SLC9B2: variants seen among roughly 807,000 people sequenced by gnomAD.
SLC9B2 encodes the protein solute carrier family 9 member B2, also known as sodium/hydrogen exchanger 9B2.
SLC9B2 carries 39 observed loss-of-function variants against 52.2 expected under a neutral mutation model. The observed-to-expected ratio is 0.75, with a 90% CI of 0.58 to 0.98. The LOEUF is 0.98. Ranked by LOEUF, SLC9B2 falls within the 50% of genes least tolerant of loss-of-function variation. SLC9B2 has a pLI of 0.00. For synonymous variants in SLC9B2, 214 were observed against 227.0 expected (o/e 0.94, Z 0.51); for missense variants, 626 against 637.5 (o/e 0.98, Z 0.19).
intron 6 of SLC9B2, 187 bp downstream of exon 6, chr4:103,048,706 G>GT (rs1744391775): frequency 1.5e-6 from 1 of 663,860 alleles, no homozygotes; most frequent in Non-Finnish European, 2.4e-6. Flanking sequence ...GGTGCTAACT[G>GT]TAAGAGTTAG....
intron 1 of SLC9B2, among the ~76,000 whole-genome samples, chr4:103,068,844 TA>T (rs1746375044): frequency 1.3e-5 from 2 of 152,098 alleles, no homozygotes; most frequent in African/African-American, 4.8e-5. Flanking sequence ...ATGCTAGACA[TA>T]AAGACAAGGA....
chr4:103,034,577 A>G (rs912848404), intron 9 of SLC9B2, among the ~76,000 whole-genome samples: 1 of 152,226 alleles, frequency 6.6e-6, no homozygotes, highest in Non-Finnish European at 1.5e-5. Flanking sequence ...AATGTCCAGA[A>G]TCTTTAAGAA....
intron 9 of SLC9B2, among the ~76,000 whole-genome samples, chr4:103,036,485 C>T (rs1005881031): frequency 2.0e-5 from 3 of 151,828 alleles, no homozygotes; most frequent in Admixed American, 2.0e-4. Context: ...ATGTAACAAA[C>T]CTGCACATGT....
intron 4 of SLC9B2, among the ~76,000 whole-genome samples, chr4:103,052,128 G>A (rs374369379): frequency 4.6e-5 from 7 of 152,364 alleles, no homozygotes; most frequent in African/African-American, 1.7e-4. Flanking sequence ...AGGGACCGGT[G>A]TCGTGGAAGA....
At position 103,025,327 on chromosome 4, in the gene SLC9B2, G is replaced by C. The variant is rs563395962; in HGVS notation, c.*1043C>G. 6.6e-6 allele frequency among the ~76,000 whole-genome samples: 1 copy of C among 152,070 alleles called. No individual in the cohort carries two copies. Among genetic ancestry groups the C allele is most frequent in the African/African-American group, 2.4e-5 (1 of 41,410 alleles). ...TTATATCCCACTGCTCAAGGTCATTGCCAAGGTCTGATTTTTCACAAAAAA... is the reference window on the plus strand; with the variant it reads ...TTATATCCCACTGCTCAAGGTCATTCCCAAGGTCTGATTTTTCACAAAAAA... On this transcript the variant is annotated 3_prime_UTR_variant, in exon 12 of 12. Coordinates refer to ENST00000394785, the MANE Select transcript of SLC9B2 (RefSeq NM_178833.7).
chr4:103,019,537 G>A (rs189327253), downstream of SLC9B2: 72 of 975,612 alleles, frequency 7.4e-5, no homozygotes, highest in Non-Finnish European at 8.6e-5. Flanking sequence ...AAACGATCGC[G>A]GCAGACCCGG....
At position 103,024,423 on chromosome 4, in the gene SLC9B2, C is replaced by A. The variant is rs1429656994; in HGVS notation, c.*1947G>T. ...GAGCATAAACATTAAAGGAATACAGCACCATAGGGTAACCAAAGCAAAGTT... is the reference window on the plus strand; with the variant it reads ...GAGCATAAACATTAAAGGAATACAGAACCATAGGGTAACCAAAGCAAAGTT... On this transcript the variant is annotated 3_prime_UTR_variant, in exon 12 of 12. Transcript: ENST00000394785. Among the ~76,000 whole-genome samples, 1 of 152,148 alleles carries A rather than the reference C, an allele frequency of 6.6e-6. No homozygotes were observed. The highest frequency in any genetic ancestry group is 1.5e-5 in the Non-Finnish European group (1 of 68,034).
intron 9 of SLC9B2, among the ~76,000 whole-genome samples, chr4:103,035,317 T>C (rs1244691763): frequency 1.3e-5 from 2 of 152,214 alleles, no homozygotes; most frequent in East Asian, 1.9e-4. Context: ...CATGATCTTC[T>C]TTTTTATGGC....
intron 5 of SLC9B2, among the ~76,000 whole-genome samples, chr4:103,049,390 C>A (rs1022101632): frequency 8.5e-5 from 13 of 152,092 alleles, no homozygotes; most frequent in African/African-American, 3.1e-4. Flanking sequence ...TTAACATTCT[C>A]ATTAGTTTTA....
intron 9 of SLC9B2, 146 bp from the exon 10 acceptor site, chr4:103,031,954 G>C: frequency 1.5e-6 from 1 of 673,530 alleles, no homozygotes; most frequent in Non-Finnish European, 2.5e-6. Flanking sequence ...CTAGAACAGA[G>C]CAAAAAAACT....
intron 3 of SLC9B2, among the ~76,000 whole-genome samples, chr4:103,065,183 C>T (rs1746010999): frequency 7.4e-6 from 1 of 135,738 alleles, no homozygotes; most frequent in Non-Finnish European, 1.6e-5. Context: ...CACACACGCA[C>T]ACACACACAC....
chr4:103,060,026 T>C (rs1372096699), intron 3 of SLC9B2, among the ~76,000 whole-genome samples: 1 of 152,132 alleles, frequency 6.6e-6, no homozygotes, highest in Non-Finnish European at 1.5e-5. Flanking sequence ...AAGGAATTCT[T>C]TTTCCTTGTT....
chr4:103,050,133 T>C (rs1744535388), intron 5 of SLC9B2, 107 bp downstream of exon 5: 1 of 975,944 alleles, frequency 1.0e-6, no homozygotes, highest in Admixed American at 3.5e-5. Context: ...AAGAATGTCA[T>C]GCAAAGTGTC....
chr4:103,047,346 T>C (rs1192508892), intron 6 of SLC9B2, 120 bp from the exon 7 acceptor site: 2 of 918,062 alleles, frequency 2.2e-6, no homozygotes, highest in Non-Finnish European at 3.1e-6. Context: ...CTTTTTTTTT[T>C]TCTAAATTAA....
At chr4:103,047,297 C>T in intron 6 of SLC9B2, 71 bp from the exon 7 acceptor site, 2 of 1,360,758 alleles carry the variant, frequency 1.5e-6, no homozygotes, top group South Asian at 3.3e-5. Flanking sequence ...ATAATGCCCT[C>T]CACTTTTTAG....
rs1720849504 is a variant in SLC9B2 at position 103,076,326 on chromosome 4, G to C, written c.-185C>G. 1 of 152,362 alleles carries C rather than the reference G, an allele frequency of 6.6e-6. No individual in the cohort carries two copies. Among genetic ancestry groups the C allele is most frequent in the Non-Finnish European group, 1.5e-5 (1 of 68,120 alleles). The allele number at this position is 152,362 out of a possible 1,614,324, so 9.4% of individuals were successfully genotyped here. On this transcript the variant is annotated 5_prime_UTR_variant, in exon 1 of 12. Coordinates refer to ENST00000394785, the MANE Select transcript of SLC9B2 (RefSeq NM_178833.7). ...TTCCCAGGCTGAGCCGGGAGGCTGC[G>C]TTGACTGCAGATAAACGGTCTCAGG... is the stretch of plus-strand genomic sequence containing the variant.
chr4:103,035,291 A>T (rs1351585586), intron 9 of SLC9B2, among the ~76,000 whole-genome samples: 6 of 152,122 alleles, frequency 3.9e-5, no homozygotes, highest in Non-Finnish European at 8.8e-5. Flanking sequence ...CACTCCATCT[A>T]TGTCCCTGAA....
intron 4 of SLC9B2, among the ~76,000 whole-genome samples, chr4:103,055,104 T>C (rs1745011595): frequency 6.6e-6 from 1 of 152,116 alleles, no homozygotes; most frequent in Non-Finnish European, 1.5e-5. Flanking sequence ...TGGATGAAGC[T>C]GGAAACCATC....
At chr4:103,050,912 G>T (rs1184792181) in intron 4 of SLC9B2, among the ~76,000 whole-genome samples, 1 of 152,180 alleles carries the variant, frequency 6.6e-6, no homozygotes, top group Non-Finnish European at 1.5e-5. Flanking sequence ...CTTTCACTCA[G>T]TCATTCAACT....
Sources: gnomAD v4.1 joint callset for allele counts (sites outside exome capture counted in the v4.1 genomes callset) on GRCh38, gnomAD v4.1.1 for gene constraint, MANE v1.5 for transcripts, NCBI Gene and HGNC (gene_info 2026-07-23, HGNC 2026-07-21) for gene names.